MYO1D: variants seen among roughly 807,000 people sequenced by gnomAD.
MYO1D encodes the protein myosin ID, also known as unconventional myosin-Id.
MYO1D carries 83 observed loss-of-function variants against 122.0 expected under a neutral mutation model. That is an observed-to-expected ratio of 0.68 (90% CI 0.57 to 0.82). MYO1D has a LOEUF of 0.82. Among genes scored for constraint, MYO1D ranks in the 40% least tolerant of loss-of-function variants. The pLI is 0.00. For synonymous variants in MYO1D, 464 were observed against 446.9 expected (o/e 1.04, Z -0.48); for missense variants, 1,157 against 1,269.5 (o/e 0.91, Z 1.35).
chr17:32,605,907 C>A lies in MYO1D; in HGVS notation c.2710-666G>T, dbSNP rs558861182. ...ACCAGCCTTGGCAACATGGTGAAAC[C>A]CCATCTCTACTGAAATACAAAAAAA... On this transcript the variant is annotated intron_variant, in intron 20 of 21. Transcript: ENST00000318217. Among the ~76,000 whole-genome samples, 17 of 151,946 alleles carry A rather than the reference C, an allele frequency of 1.1e-4. No homozygotes were observed. In the South Asian group the frequency reaches 3.5e-3, roughly 32 times the overall value.
intron 21 of MYO1D, among the ~76,000 whole-genome samples, chr17:32,593,740 A>C (rs1442357115): frequency 1.3e-5 from 2 of 152,172 alleles, no homozygotes; most frequent in Non-Finnish European, 2.9e-5. Flanking sequence ...GTTCGAGACC[A>C]GTCTGGCCAA....
At chr17:32,816,363 G>T (rs980295495) in intron 1 of MYO1D, among the ~76,000 whole-genome samples, 1 of 152,134 alleles carries the variant, frequency 6.6e-6, no homozygotes, top group East Asian at 1.9e-4. Context: ...GGGCCCAGAA[G>T]GATACATAAG....
At position 32,724,435 on chromosome 17, in the gene MYO1D, AACAAAATAAACAAAAC is replaced by A. The variant is rs556993561; in HGVS notation, c.1747-3262_1747-3247del. 4.9e-4 allele frequency among the ~76,000 whole-genome samples: 74 copies of A among 152,350 alleles called. No homozygotes were observed. In the East Asian group the frequency reaches 0.013, roughly 26 times the overall value. On this transcript the variant is annotated intron_variant, in intron 14 of 21. Coordinates refer to ENST00000318217, the MANE Select transcript of MYO1D (RefSeq NM_015194.3). Reference sequence around the variant, plus strand: ...TGCTGAGGGTTAACTAGAATAGGTAAACAAAATAAACAAAACGTTTGCCAGAAGACATGGGAGATCT... The same window carrying A: ...TGCTGAGGGTTAACTAGAATAGGTAAGTTTGCCAGAAGACATGGGAGATCT...
At chr17:32,786,946 C>T (rs1450527946) in intron 1 of MYO1D, among the ~76,000 whole-genome samples, 1 of 151,684 alleles carries the variant, frequency 6.6e-6, no homozygotes, top group Non-Finnish European at 1.5e-5. Context: ...CAAGAATACC[C>T]CACTCCCCCA....
intron 20 of MYO1D, chr17:32,632,267 ACT>A (rs2088017904): frequency 6.6e-6 from 1 of 152,172 alleles, no homozygotes; most frequent in Non-Finnish European, 1.5e-5. Context: ...AGAGTAGCAG[ACT>A]GGAAACCTGG....
rs564523950 is a variant in MYO1D, at chr17:32,666,459, AAC to A, written c.2122-7123_2122-7122del. ...TCGAGATGTTAAGAGAGTGGATATA[AAC>A]ACAACTGTCATGTTTAACCAGATGT... On this transcript the variant is annotated intron_variant, in intron 16 of 21. Transcript: ENST00000318217. 1.4e-3 allele frequency among the ~76,000 whole-genome samples: 214 copies of A among 152,352 alleles called. 1 individual carries two copies. In the Middle Eastern group the frequency reaches 0.024, roughly 17 times the overall value.
chr17:32,572,827 C>T (rs944728348), intron 21 of MYO1D, among the ~76,000 whole-genome samples: 8 of 152,054 alleles, frequency 5.3e-5, no homozygotes, highest in African/African-American at 1.9e-4. Flanking sequence ...TTCTTCTCGT[C>T]ATTCAAATCC....
In MYO1D at chr17:32,679,718, G is replaced by T. The variant is rs369552322; in HGVS notation, c.2122-20380C>A. 1.3e-4 allele frequency among the ~76,000 whole-genome samples: 20 copies of T among 152,130 alleles called. No individual in the cohort carries two copies. In the East Asian group the frequency reaches 2.9e-3, roughly 22 times the overall value. ...TGATTCCTCCAGCTTTGTTCTTTTG[G>T]CTTAGGATTGACTTGGCAGTGCGGG... On this transcript the variant is annotated intron_variant, in intron 16 of 21. Coordinates refer to ENST00000318217, the MANE Select transcript of MYO1D (RefSeq NM_015194.3).
intron 1 of MYO1D, among the ~76,000 whole-genome samples, chr17:32,848,244 C>T (rs942102426): frequency 6.6e-6 from 1 of 152,146 alleles, no homozygotes; most frequent in Admixed American, 6.5e-5. Flanking sequence ...ATTATCTACC[C>T]CATGTAAAAT....
chr17:32,742,214 T>C (rs1383829727), intron 13 of MYO1D, among the ~76,000 whole-genome samples: 6 of 152,168 alleles, frequency 3.9e-5, no homozygotes, highest in Non-Finnish European at 8.8e-5. Context: ...GTGTAGGTTA[T>C]ATGTAAATAC....
intron 1 of MYO1D, among the ~76,000 whole-genome samples, chr17:32,811,377 C>T (rs2090570444): frequency 6.6e-6 from 1 of 152,192 alleles, no homozygotes; most frequent in Non-Finnish European, 1.5e-5. Flanking sequence ...CTTCCCCTCC[C>T]TATGTCCAGT....
chr17:32,781,852 C>T (rs1203110707), intron 1 of MYO1D, among the ~76,000 whole-genome samples: 2 of 152,028 alleles, frequency 1.3e-5, no homozygotes, highest in Admixed American at 6.6e-5. Context: ...CATATATGTC[C>T]ACTGTTTTTA....
chr17:32,713,162 A>G (rs1196302984), intron 15 of MYO1D, among the ~76,000 whole-genome samples: 1 of 152,160 alleles, frequency 6.6e-6, no homozygotes, highest in African/African-American at 2.4e-5. Context: ...GTTTTCTTCT[A>G]GTACTTGTAT....
intron 14 of MYO1D, among the ~76,000 whole-genome samples, chr17:32,728,605 A>C (rs2089602679): frequency 6.6e-6 from 1 of 152,264 alleles, no homozygotes; most frequent in South Asian, 2.1e-4. Flanking sequence ...TGATGAAATA[A>C]GACTAAGCTA....
intron 1 of MYO1D, among the ~76,000 whole-genome samples, chr17:32,842,565 A>G (rs2151074981): frequency 6.6e-6 from 1 of 152,198 alleles, no homozygotes; most frequent in South Asian, 2.1e-4. Context: ...CTGTTCCTAT[A>G]AAATGCCTGC....
intron 14 of MYO1D, among the ~76,000 whole-genome samples, chr17:32,726,735 A>C (rs2089579332): frequency 6.7e-6 from 1 of 149,966 alleles, no homozygotes; most frequent in African/African-American, 2.4e-5. Flanking sequence ...ATATCTAAAT[A>C]GATATAATAA....
chr17:32,768,881 T>C (rs1393276471), intron 6 of MYO1D, among the ~76,000 whole-genome samples: 1 of 152,192 alleles, frequency 6.6e-6, no homozygotes, highest in African/African-American at 2.4e-5. Flanking sequence ...GGAAAGTAAC[T>C]GGATAAAATC....
At chr17:32,705,265 T>G (rs2089292151) in intron 16 of MYO1D, among the ~76,000 whole-genome samples, 1 of 152,098 alleles carries the variant, frequency 6.6e-6, no homozygotes, top group Non-Finnish European at 1.5e-5. Flanking sequence ...TTATCTGTAA[T>G]TCTTTTTTTT....
intron 21 of MYO1D, among the ~76,000 whole-genome samples, chr17:32,564,328 T>C (rs1463639185): frequency 6.6e-6 from 1 of 152,206 alleles, no homozygotes; most frequent in African/African-American, 2.4e-5. Context: ...CTCACACAAG[T>C]CTGGATGTGA....
Sources: gnomAD v4.1 joint callset for allele counts (sites outside exome capture counted in the v4.1 genomes callset) on GRCh38, gnomAD v4.1.1 for gene constraint, MANE v1.5 for transcripts, NCBI Gene and HGNC (gene_info 2026-07-23, HGNC 2026-07-21) for gene names.